STX6: variants seen among roughly 807,000 people sequenced by gnomAD.
The protein encoded by STX6 is syntaxin 6.
STX6 carries 23 observed loss-of-function variants against 38.0 expected under a neutral mutation model. That is an observed-to-expected ratio of 0.60 (90% CI 0.43 to 0.86). STX6 has a LOEUF of 0.86. Among genes scored for constraint, STX6 ranks in the 40% least tolerant of loss-of-function variants. STX6 has a pLI of 0.00. For missense variants in STX6, 274 were observed against 312.9 expected (o/e 0.88, Z 0.94); for synonymous variants, 123 against 107.5 (o/e 1.14, Z -0.89).
At chr1:181,010,801 T>C (rs1656368948) in intron 1 of STX6, among the ~76,000 whole-genome samples, 2 of 152,136 alleles carry the variant, frequency 1.3e-5, no homozygotes, top group African/African-American at 4.8e-5. Context: ...AGGCAGATAA[T>C]ATCTGAATAT....
Position 180,976,542 on chromosome 1 carries a change from G to A in STX6, c.*28C>T, listed in dbSNP as rs1434911301. On this transcript the variant is annotated 3_prime_UTR_variant, in exon 8 of 8. Transcript: ENST00000258301. ...CCTCCTCCCCTCGGTTCATATGCAG[G>A]AGGAACTCGCACCCAGAGGCCCCGC... 8 of 1,604,936 alleles carry A rather than the reference G, an allele frequency of 5.0e-6. No individual in the cohort carries two copies. Among genetic ancestry groups the A allele is most frequent in the Non-Finnish European group, 6.8e-6 (8 of 1,172,378 alleles).
At chr1:181,014,073 T>C (rs1004350185) in intron 1 of STX6, among the ~76,000 whole-genome samples, 1 of 152,052 alleles carries the variant, frequency 6.6e-6, no homozygotes, top group Non-Finnish European at 1.5e-5. Flanking sequence ...CAAACTCCAG[T>C]TTGATAAAAG....
Position 180,972,814 on chromosome 1 carries a change from GA to G in STX6, c.*3755del. ...CAGTATCTCTAAGCTGAGTTACTCTGATCGGAGCTACTGAAAGGTACCTGCT... is the reference window on the plus strand; with the variant it reads ...CAGTATCTCTAAGCTGAGTTACTCTGTCGGAGCTACTGAAAGGTACCTGCT... On this transcript the variant is annotated 3_prime_UTR_variant, in exon 8 of 8. Transcript: ENST00000258301. 2 of 271,902 alleles carry G rather than the reference GA, an allele frequency of 7.4e-6. No individual in the cohort carries two copies. Among genetic ancestry groups the G allele is most frequent in the Admixed American group, 4.7e-5 (1 of 21,350 alleles). The allele number at this position is 271,902 out of a possible 1,614,324, so 16.8% of individuals were successfully genotyped here.
chr1:181,000,695 T>C (rs900067314), intron 3 of STX6, among the ~76,000 whole-genome samples: 4 of 152,192 alleles, frequency 2.6e-5, no homozygotes, highest in African/African-American at 9.6e-5. Context: ...GATTCTTCTT[T>C]CCATTATACC....
chr1:180,988,053 G>C, intron 6 of STX6, 186 bp downstream of exon 6: 3 of 481,232 alleles, frequency 6.2e-6, no homozygotes, highest in Non-Finnish European at 7.5e-6. Context: ...AAAGCCTGTA[G>C]TAAAATTTAC....
chr1:180,983,350 T>TG (rs879652529), intron 7 of STX6, among the ~76,000 whole-genome samples: 27 of 152,186 alleles, frequency 1.8e-4, no homozygotes, highest in South Asian at 6.2e-4. Flanking sequence ...ACAAGGGAGG[T>TG]GCTCTACAGT....
intron 7 of STX6, chr1:180,980,502 A>G (rs1655375401): frequency 1.4e-5 from 2 of 147,020 alleles, no homozygotes; most frequent in South Asian, 2.1e-4. Context: ...CTTGTTACTT[A>G]TCCAAATGAA....
Position 181,005,305 on chromosome 1 carries a change from T to A in STX6, c.194A>T (p.Asp65Val), listed in dbSNP as rs770369989. 2 of 1,613,866 alleles carry A rather than the reference T, an allele frequency of 1.2e-6. No homozygotes were observed. Among genetic ancestry groups the A allele is most frequent in the Admixed American group, 3.3e-5 (2 of 59,984 alleles). The change falls in exon 2 of 8, where the codon GAT (aspartate) becomes GTT (valine). Residue 65 changes from aspartate to valine, a missense_variant. Coordinates refer to ENST00000258301, the MANE Select transcript of STX6 (RefSeq NM_005819.6). ...RSIEWDLEDLDETISIVEANP... is the reference protein window; with the variant it reads ...RSIEWDLEDLVETISIVEANP... The stretch of plus-strand genomic sequence containing the variant: ...ACAGAAAAGGATATTGATGGTTTCA[T>A]CAAGGTCCTCTAGATCCCACTCTAT...
In STX6 at chr1:180,993,388, G is replaced by A. The variant is rs748239433; in HGVS notation, c.338C>T (p.Ala113Val). 1.9e-6 allele frequency: 3 copies of A among 1,595,816 alleles called. No individual in the cohort carries two copies. Among genetic ancestry groups the A allele is most frequent in the African/African-American group, 1.3e-5 (1 of 74,516 alleles). The change falls in exon 4 of 8, where the codon GCA becomes GTA. Residue 113 changes from alanine to valine, a missense_variant. By Grantham distance (64) the Ala-to-Val change is moderately conservative (BLOSUM62 0). Transcript: ENST00000258301. ...CTGTCTATTTTTTCTTTCAGCTAAT[G>A]CCTGCACAGATGAAGTTGACATCTG... ...KDQMSTSSVQ[A>V]LAERKNRQAL...
At chr1:181,017,946 AAGTAGGC>A (rs1180796165) in intron 1 of STX6, among the ~76,000 whole-genome samples, 1 of 152,196 alleles carries the variant, frequency 6.6e-6, no homozygotes, top group Non-Finnish European at 1.5e-5. Context: ...GACCTATGAC[AAGTAGGC>A]TTATCACCAC....
Position 180,973,857 on chromosome 1 carries a change from C to T in STX6, c.*2713G>A, listed in dbSNP as rs1000258679. On this transcript the variant is annotated 3_prime_UTR_variant, in exon 8 of 8. Coordinates refer to ENST00000258301, the MANE Select transcript of STX6 (RefSeq NM_005819.6). ...TTAAGTAAAATGTTCTTCCAATAAA[C>T]ATAAATTGAGCTCTTCCTCTGTTAT... 1.9e-4 allele frequency: 29 copies of T among 152,288 alleles called. No homozygotes were observed. The highest frequency in any genetic ancestry group is 6.3e-4 in the African/African-American group (26 of 41,568). The allele number at this position is 152,288 out of a possible 1,614,324, so 9.4% of individuals were successfully genotyped here.
At chr1:181,012,650 T>C (rs10910850) in intron 1 of STX6, among the ~76,000 whole-genome samples, 47,419 of 150,538 alleles carry the variant, frequency 0.31, 7,906 homozygotes, top group Non-Finnish European at 0.36. Context: ...TAAAGTCATC[T>C]GAGCATTCAG....
Position 181,002,682 on chromosome 1 carries a change from G to C in STX6, c.224C>G (p.Pro75Arg). 1.2e-5 allele frequency: 20 copies of C among 1,613,216 alleles called. No individual in the cohort carries two copies. The highest frequency in any genetic ancestry group is 1.7e-5 in the Non-Finnish European group (20 of 1,179,434). ...AGTTGCATCAAGGTTAAATTTTCTA[G>C]GATTTGCTTCAACTATGCGTAGGTC... is the stretch of plus-strand genomic sequence containing the variant. The part of the protein sequence containing the change: ...DETISIVEAN[P>R]RKFNLDATEL... Residue 75 changes from proline to arginine, a missense_variant, in exon 3 of 8, where the codon CCT becomes CGT. By Grantham distance (103) the Pro-to-Arg change is moderately radical. Coordinates refer to ENST00000258301, the MANE Select transcript of STX6 (RefSeq NM_005819.6).
chr1:180,976,687 C>G, intron 7 of STX6, 41 bp from the exon 8 acceptor site: 4 of 1,569,660 alleles, frequency 2.5e-6, no homozygotes, highest in Non-Finnish European at 3.5e-6. Context: ...ACAGGGACTC[C>G]ACATTCCCCA....
intron 3 of STX6, among the ~76,000 whole-genome samples, chr1:181,002,101 A>G (rs1656097264): frequency 1.3e-5 from 2 of 152,164 alleles, no homozygotes; most frequent in Non-Finnish European, 2.9e-5. Flanking sequence ...TCATGCCACT[A>G]CATTTCAGCC....
chr1:180,993,600 G>C (rs546873267), intron 3 of STX6, among the ~76,000 whole-genome samples, 175 bp from the exon 4 acceptor site: 8 of 152,196 alleles, frequency 5.3e-5, no homozygotes, highest in Middle Eastern at 3.4e-3. Context: ...AAAGAAAGAT[G>C]GTCCCTTAAA....
At chr1:181,009,444 G>A (rs1656330157) in intron 1 of STX6, among the ~76,000 whole-genome samples, 1 of 149,366 alleles carries the variant, frequency 6.7e-6, no homozygotes, top group Admixed American at 6.7e-5. Flanking sequence ...ACTCCAATCT[G>A]GGTGACAGAG....
intron 1 of STX6, among the ~76,000 whole-genome samples, chr1:181,011,222 T>G (rs1424908269): frequency 6.6e-6 from 1 of 152,226 alleles, no homozygotes; most frequent in East Asian, 1.9e-4. Context: ...ATTTTTAAGA[T>G]GGATGTTTTA....
intron 6 of STX6, among the ~76,000 whole-genome samples, chr1:180,986,150 C>T (rs936558409): frequency 1.3e-5 from 2 of 152,210 alleles, no homozygotes; most frequent in African/African-American, 2.4e-5. Flanking sequence ...GCACATCATC[C>T]GACCTTCAGT....
Sources: allele counts gnomAD v4.1 joint callset (sites outside exome capture counted in the v4.1 genomes callset), GRCh38; gene constraint gnomAD v4.1.1; transcripts MANE v1.5; gene names NCBI Gene and HGNC (gene_info 2026-07-23, HGNC 2026-07-21).